KDM2A: variants seen among roughly 807,000 people sequenced by gnomAD.
KDM2A encodes lysine-specific demethylase 2A.
Under a neutral mutation model 137.3 loss-of-function variants are expected in KDM2A, and 3 were observed. That is an observed-to-expected ratio of 0.02 (90% CI 0.01 to 0.06). The LOEUF (loss-of-function observed/expected upper bound fraction) is 0.06, where lower values mean the gene tolerates loss of function less well. Ranked by LOEUF, KDM2A falls within the 10% of genes least tolerant of loss-of-function variation. The pLI is 1.00. For synonymous variants in KDM2A, 512 were observed against 541.5 expected, an observed-to-expected ratio of 0.95 and a Z score of 0.76; for missense variants, 738 against 1,510.6, an observed-to-expected ratio of 0.49 and a Z score of 8.48.
At chr11:67,162,022 TCA>T (rs1856649261) in intron 2 of KDM2A, among the ~76,000 whole-genome samples, 1 of 152,230 alleles carries the variant, frequency 6.6e-6, no homozygotes, top group Non-Finnish European at 1.5e-5. Context: ...AATCTGTACC[TCA>T]CTGTAGTACA....
chr11:67,131,369 T>C (rs1233809130), intron 2 of KDM2A, among the ~76,000 whole-genome samples: 1 of 151,722 alleles, frequency 6.6e-6, no homozygotes. Context: ...GTGTGTAGGC[T>C]GAGTACTTTC....
intron 2 of KDM2A, among the ~76,000 whole-genome samples, chr11:67,149,838 A>G (rs773803220): frequency 3.2e-4 from 49 of 151,180 alleles, no homozygotes; most frequent in Non-Finnish European, 5.4e-4. Flanking sequence ...CTCCTGCCTC[A>G]GCCACCCAAG....
intron 2 of KDM2A, among the ~76,000 whole-genome samples, chr11:67,148,661 C>T (rs1369583855): frequency 1.3e-5 from 2 of 151,868 alleles, no homozygotes; most frequent in African/African-American, 2.4e-5. Context: ...ATGAACTGGG[C>T]GTGGTGGTGG....
chr11:67,233,652 CAA>C (rs1858787765), intron 12 of KDM2A, among the ~76,000 whole-genome samples: 1 of 20,664 alleles, frequency 4.8e-5, no homozygotes, highest in African/African-American at 5.5e-5. Context: ...AACCCTGTCT[CAA>C]CAACAACAAC....
intron 2 of KDM2A, among the ~76,000 whole-genome samples, chr11:67,124,251 ACAT>A (rs1284296691): frequency 6.6e-6 from 1 of 151,974 alleles, no homozygotes; most frequent in African/African-American, 2.4e-5. Context: ...TGATCCACCC[ACAT>A]CAGCCTCTCA....
In KDM2A at chr11:67,255,346, G is replaced by T; in HGVS notation, c.*291G>T. 2.1e-6 allele frequency: 1 copy of T among 473,116 alleles called. No homozygotes were observed. The highest frequency in any genetic ancestry group is 2.9e-5 in the Admixed American group (1 of 33,922). 29.3% of individuals were successfully genotyped at this position (473,116 alleles called of 1,614,324 possible). A position where few individuals can be genotyped will look rare whatever the true frequency, so the allele number is the denominator to read the frequency against. On this transcript the variant is annotated 3_prime_UTR_variant, in exon 21 of 21. Coordinates refer to ENST00000529006, the MANE Select transcript of KDM2A (RefSeq NM_012308.3). ...GCTTACTCGCCTGCCAGGAGGCCGG[G>T]CTCTCAGTTTGGGGTGTTTGTGCAA...
intron 6 of KDM2A, 116 bp downstream of exon 6, chr11:67,207,804 C>T (rs577007352): frequency 1.0e-4 from 78 of 755,880 alleles, no homozygotes; most frequent in South Asian, 2.2e-4. Context: ...GGAGGCAGAT[C>T]GCTTGAGCTG....
intron 2 of KDM2A, among the ~76,000 whole-genome samples, chr11:67,149,685 C>G (rs1191260114): frequency 6.7e-6 from 1 of 148,696 alleles, no homozygotes; most frequent in African/African-American, 2.5e-5. Context: ...AGATAGTAAT[C>G]TAATTTTATA....
At chr11:67,185,834 C>T (rs1280873805) in intron 5 of KDM2A, among the ~76,000 whole-genome samples, 1 of 151,848 alleles carries the variant, frequency 6.6e-6, no homozygotes, top group Non-Finnish European at 1.5e-5. Context: ...TCTCGCTTTT[C>T]ACCATGTGAT....
At chr11:67,188,334 T>C (rs1243725605) in intron 5 of KDM2A, among the ~76,000 whole-genome samples, 2 of 151,404 alleles carry the variant, frequency 1.3e-5, no homozygotes, top group African/African-American at 4.9e-5. Flanking sequence ...TACAAAATAT[T>C]AGCCGGGTGT....
intron 17 of KDM2A, 120 bp from the exon 18 acceptor site, chr11:67,252,574 T>C: frequency 1.8e-6 from 2 of 1,110,428 alleles, no homozygotes; most frequent in South Asian, 2.7e-5. Context: ...GTGATCCCTG[T>C]ACACTTGTAG....
In KDM2A at chr11:67,237,599, C is replaced by T. The variant is rs562877622; in HGVS notation, c.1480-5410C>T. ...GGCATGAGCCACCTTACCCAACCAA[C>T]TCAGCTTTTTGTTTGTTTGTTTGTC... On this transcript the variant is annotated intron_variant, in intron 12 of 20. Transcript: ENST00000529006. 3.9e-5 allele frequency among the ~76,000 whole-genome samples: 6 copies of T among 152,164 alleles called. No individual in the cohort carries two copies. In the East Asian group the frequency reaches 1.2e-3, roughly 29 times the overall value.
At chr11:67,190,149 C>G (rs1432449560) in intron 5 of KDM2A, among the ~76,000 whole-genome samples, 1 of 152,138 alleles carries the variant, frequency 6.6e-6, no homozygotes, top group Non-Finnish European at 1.5e-5. Context: ...GTGGCTGACA[C>G]CTATAATCCC....
intron 2 of KDM2A, among the ~76,000 whole-genome samples, chr11:67,170,507 G>C (rs1831136137): frequency 6.7e-6 from 1 of 150,124 alleles, no homozygotes; most frequent in Non-Finnish European, 1.5e-5. Flanking sequence ...CCGCCTCCTG[G>C]GTTCGCACCA....
At chr11:67,228,197 C>T (rs1441234826) in intron 11 of KDM2A, 34 bp downstream of exon 11, 5 of 1,604,878 alleles carry the variant, frequency 3.1e-6, no homozygotes, top group Non-Finnish European at 4.3e-6. Flanking sequence ...TTTGAAGACA[C>T]CGCTTAGGTC....
intron 2 of KDM2A, among the ~76,000 whole-genome samples, chr11:67,179,263 TTTTTGTTTTG>T (rs1156235761): frequency 1.3e-5 from 2 of 152,160 alleles, no homozygotes; most frequent in Admixed American, 6.5e-5. Context: ...TGCTGGGTTT[TTTTTGTTTTG>T]TTTTGTTTTG....
At chr11:67,234,948 C>T (rs1366070671) in intron 12 of KDM2A, among the ~76,000 whole-genome samples, 1 of 151,872 alleles carries the variant, frequency 6.6e-6, no homozygotes, top group Non-Finnish European at 1.5e-5. Context: ...AGATCAAGAC[C>T]ATCCTTGCTA....
chr11:67,163,103 T>C (rs1234476418), intron 2 of KDM2A, among the ~76,000 whole-genome samples: 5 of 152,244 alleles, frequency 3.3e-5, no homozygotes, highest in African/African-American at 1.2e-4. Context: ...CCTTCTGCCC[T>C]AGTCAGACTG....
intron 2 of KDM2A, chr11:67,149,000 G>T (rs1856321011): frequency 6.6e-6 from 1 of 152,086 alleles, no homozygotes; most frequent in South Asian, 2.1e-4. Flanking sequence ...GTTTAGCATG[G>T]TTAATAAGCC....
Sources: gnomAD v4.1 joint callset for allele counts (sites outside exome capture counted in the v4.1 genomes callset) on GRCh38, gnomAD v4.1.1 for gene constraint, MANE v1.5 for transcripts, NCBI Gene and HGNC (gene_info 2026-07-23, HGNC 2026-07-21) for gene names.